Variants in B3GALT5 observed in about 807,000 individuals in gnomAD.
B3GALT5 encodes the protein UDP-Gal:betaGlcNAc beta 1,3-galactosyltransferase, polypeptide 5.
For synonymous variants in B3GALT5, 156 were observed against 158.6 expected, an observed-to-expected ratio of 0.98 and a Z score of 0.12; for missense variants, 328 against 396.6, an observed-to-expected ratio of 0.83 and a Z score of 1.47.
intron 1 of B3GALT5, among the ~76,000 whole-genome samples, chr21:39,632,497 G>A (rs777282567): frequency 5.3e-5 from 8 of 152,200 alleles, no homozygotes; most frequent in South Asian, 4.1e-4. Context: ...ACAAGGAGAC[G>A]CCACGTAATT....
chr21:39,626,342 G>C (rs907518129), intron 1 of B3GALT5, among the ~76,000 whole-genome samples: 1 of 152,166 alleles, frequency 6.6e-6, no homozygotes. Flanking sequence ...GTGAACGCTC[G>C]GGTTGTTTTC....
At chr21:39,615,870 C>T (rs116336719) in intron 1 of B3GALT5, among the ~76,000 whole-genome samples, 3,289 of 152,214 alleles carry the variant, frequency 0.022, 133 homozygotes, top group African/African-American at 0.075. Context: ...AGCACTTTAC[C>T]ATGCTGAGTA....
rs2079626784 is a variant in B3GALT5, at chr21:39,671,394, CTCTCTGTTTGGG to C, written c.*9909_*9920del. The C allele has an allele frequency of 6.6e-6, 1 of 152,166 alleles. No homozygotes were observed. Among genetic ancestry groups the C allele is most frequent in the Non-Finnish European group, 1.5e-5 (1 of 68,048 alleles). The allele number at this position is 152,166 out of a possible 1,614,324, so 9.4% of individuals were successfully genotyped here. ...TTAAAGTTCTTCCAGCCTGATTCCT[CTCTCTGTTTGGG>C]TCTCTGGCATGGTGCCTGCTGGAGA... On this transcript the variant is annotated 3_prime_UTR_variant, in exon 4 of 4. Transcript: ENST00000684187.
Position 39,670,118 on chromosome 21 carries a change from G to A in B3GALT5, c.*8626G>A, listed in dbSNP as rs2079614121. On this transcript the variant is annotated 3_prime_UTR_variant, in exon 4 of 4. Transcript: ENST00000684187. ...CCAATGGCAGCCCAAACAAATGTCTGGCTTCAGAAAATAAACTCTTCAGTC... is the reference window on the plus strand; with the variant it reads ...CCAATGGCAGCCCAAACAAATGTCTAGCTTCAGAAAATAAACTCTTCAGTC... 6.6e-6 allele frequency: 1 copy of A among 152,190 alleles called. No homozygotes were observed. The highest frequency in any genetic ancestry group is 2.1e-4 in the South Asian group (1 of 4,820). The allele number at this position is 152,190 out of a possible 1,614,324, so 9.4% of individuals were successfully genotyped here. A position where few individuals can be genotyped will look rare whatever the true frequency, so the allele number is the denominator to read the frequency against.
At chr21:39,636,110 A>G (rs2079225776) in intron 1 of B3GALT5, among the ~76,000 whole-genome samples, 1 of 152,196 alleles carries the variant, frequency 6.6e-6, no homozygotes, top group Non-Finnish European at 1.5e-5. Flanking sequence ...ACTATCGGGC[A>G]ATTTGCTCAT....
intron 1 of B3GALT5, among the ~76,000 whole-genome samples, chr21:39,621,486 T>C (rs1456222777): frequency 6.6e-6 from 1 of 152,044 alleles, no homozygotes; most frequent in Non-Finnish European, 1.5e-5. Flanking sequence ...TTTTTTTTTT[T>C]TGTTGTTCCT....
In B3GALT5 at chr21:39,662,184, A is replaced by C. The variant is rs1287365430; in HGVS notation, c.*692A>C. 6.0e-6 allele frequency: 1 copy of C among 167,116 alleles called. No homozygotes were observed. The highest frequency in any genetic ancestry group is 1.5e-5 in the Non-Finnish European group (1 of 68,146). 10.4% of individuals were successfully genotyped at this position (167,116 alleles called of 1,614,324 possible). ...GTGGATGCAGCTCACATGCTGAGGA[A>C]CACCCAGCTCTGGACAGAGTTCTTA... On this transcript the variant is annotated 3_prime_UTR_variant, in exon 4 of 4. Coordinates refer to ENST00000684187, the MANE Select transcript of B3GALT5 (RefSeq NM_001356336.2).
At chr21:39,627,857 C>G (rs1415306573) in intron 1 of B3GALT5, among the ~76,000 whole-genome samples, 1 of 152,072 alleles carries the variant, frequency 6.6e-6, no homozygotes, top group African/African-American at 2.4e-5. Flanking sequence ...AAGTGACGTA[C>G]AAGCACCACT....
At chr21:39,613,359 C>T (rs1428942765) in intron 1 of B3GALT5, among the ~76,000 whole-genome samples, 2 of 152,218 alleles carry the variant, frequency 1.3e-5, no homozygotes, top group African/African-American at 4.8e-5. Flanking sequence ...ACGGTGCGGA[C>T]ACAAGACTTA....
chr21:39,669,888 G>GTGCC lies in B3GALT5; in HGVS notation c.*8397_*8400dup, dbSNP rs1447796864. On this transcript the variant is annotated 3_prime_UTR_variant, in exon 4 of 4. Transcript: ENST00000684187. ...TTGGGACCAGCCCTGCCCAAGGAGT[G>GTGCC]TGCCACCTGACCCCTTTTCCTGTCT... is the stretch of plus-strand genomic sequence containing the variant. 1 of 152,262 alleles carries GTGCC rather than the reference G, an allele frequency of 6.6e-6. No homozygotes were observed. The highest frequency in any genetic ancestry group is 1.5e-5 in the Non-Finnish European group (1 of 68,124). The allele number at this position is 152,262 out of a possible 1,614,324, so 9.4% of individuals were successfully genotyped here.
chr21:39,615,042 GCCCTGCATAAA>G (rs138254498), intron 1 of B3GALT5, among the ~76,000 whole-genome samples: 14,484 of 152,154 alleles, frequency 0.095, 813 homozygotes, highest in Non-Finnish European at 0.13. Flanking sequence ...AAGCTTCGTG[GCCCTGCATAAA>G]CCCAGGTTTG....
At chr21:39,634,250 C>T (rs1217923001) in intron 1 of B3GALT5, among the ~76,000 whole-genome samples, 1 of 152,086 alleles carries the variant, frequency 6.6e-6, no homozygotes, top group Non-Finnish European at 1.5e-5. Flanking sequence ...AGAGGAAGGT[C>T]AGAAATGGAG....
chr21:39,621,487 TG>T (rs908606102), intron 1 of B3GALT5, among the ~76,000 whole-genome samples: 10 of 152,060 alleles, frequency 6.6e-5, no homozygotes, highest in African/African-American at 2.4e-4. Flanking sequence ...TTTTTTTTTT[TG>T]TTGTTCCTTT....
Position 39,660,571 on chromosome 21 carries a change from G to A in B3GALT5, c.12G>A (p.Pro4=), listed in dbSNP as rs746851790. The A allele has an allele frequency of 2.4e-5, 34 of 1,413,048 alleles. No homozygotes were observed. Among genetic ancestry groups the A allele is most frequent in the South Asian group, 1.2e-4 (6 of 49,706 alleles). The allele number at this position is 1,413,048 out of a possible 1,614,324, so 87.5% of individuals were successfully genotyped here. Reference sequence around the variant, plus strand: ...TTTGTTCCTTTCAGATGGCTTTCCCGAAGATGAGATTGATGTATATTTGCC... The same window carrying A: ...TTTGTTCCTTTCAGATGGCTTTCCCAAAGATGAGATTGATGTATATTTGCC... MAF[P]KMRLMYICLL... The change falls in exon 4 of 4, where the codon CCG becomes CCA. Residue 4 remains proline, a synonymous_variant. Transcript: ENST00000684187.
At position 39,661,181 on chromosome 21, in the gene B3GALT5, G is replaced by C; in HGVS notation, c.622G>C (p.Asp208His). The C allele has an allele frequency of 6.2e-7, 1 of 1,614,144 alleles. No individual in the cohort carries two copies. Among genetic ancestry groups the C allele is most frequent in the South Asian group, 1.1e-5 (1 of 91,070 alleles). Residue 208 changes from aspartate to histidine, a missense_variant, in exon 4 of 4, where the codon GAC (aspartate) becomes CAC (histidine). Coordinates refer to ENST00000684187, the MANE Select transcript of B3GALT5 (RefSeq NM_001356336.2). The surrounding 1 kb of genome is among the most constrained non-coding windows in gnomAD (Gnocchi z 4.7). ...TGTCAGTAAATCTGAATATCCGTGG[G>C]ACAGGTACCCACCATTCTGCTCCGG... is the stretch of plus-strand genomic sequence containing the variant. The part of the protein sequence containing the change: ...WFVSKSEYPW[D>H]RYPPFCSGTG...
intron 1 of B3GALT5, among the ~76,000 whole-genome samples, chr21:39,631,415 C>G (rs1484585423): frequency 6.6e-6 from 1 of 152,142 alleles, no homozygotes; most frequent in Non-Finnish European, 1.5e-5. Context: ...CCAAATTTCC[C>G]CTAATTATAA....
rs1041987650 is a variant in B3GALT5, at chr21:39,641,769, T to G, written c.-391-4623T>G. On this transcript the variant is annotated intron_variant, in intron 1 of 3. Transcript: ENST00000684187. ...ATTCCATCATATAATTCTTCATATATTCTATCATATAATACATGCTCTCTT... is the reference window on the plus strand; with the variant it reads ...ATTCCATCATATAATTCTTCATATAGTCTATCATATAATACATGCTCTCTT... Among the ~76,000 whole-genome samples, 3 of 152,330 alleles carry G rather than the reference T, an allele frequency of 2.0e-5. No homozygotes were observed. The South Asian group carries it at 6.2e-4, about 32-fold the overall frequency.
intron 1 of B3GALT5, among the ~76,000 whole-genome samples, chr21:39,643,553 A>T (rs1423943243): frequency 6.6e-6 from 1 of 152,214 alleles, no homozygotes; most frequent in Non-Finnish European, 1.5e-5. Flanking sequence ...GGACAGGAGA[A>T]CAATTGAGCT....
chr21:39,652,418 C>T (rs535717908), intron 2 of B3GALT5, among the ~76,000 whole-genome samples: 10 of 152,204 alleles, frequency 6.6e-5, no homozygotes, highest in Admixed American at 1.3e-4. Context: ...ACTTCCCAAC[C>T]GTTCTGTGAG....
Sources: allele counts gnomAD v4.1 joint callset (sites outside exome capture counted in the v4.1 genomes callset), GRCh38; gene constraint gnomAD v4.1.1; non-coding constraint Gnocchi (gnomAD v3.1); transcripts MANE v1.5; gene names NCBI Gene and HGNC (gene_info 2026-07-23, HGNC 2026-07-21).